PCDHGA5: variants seen among roughly 807,000 people sequenced by gnomAD.
The protein encoded by PCDHGA5 is protocadherin gamma subfamily A, 5, also known as protocadherin gamma-A5.
Under a neutral mutation model 56.7 loss-of-function variants are expected in PCDHGA5, and 36 were observed. The observed-to-expected ratio is 0.64, with a 90% CI of 0.49 to 0.84. The LOEUF (loss-of-function observed/expected upper bound fraction) is 0.84, where lower values mean the gene tolerates loss of function less well. Ranked by LOEUF, PCDHGA5 falls within the 40% of genes least tolerant of loss-of-function variation. The pLI, the probability that PCDHGA5 is intolerant of heterozygous loss-of-function variation, is 0.00. For missense variants in PCDHGA5, 1,305 were observed against 1,201.5 expected, an observed-to-expected ratio of 1.09 and a Z score of -1.27; for synonymous variants, 563 against 520.2, an observed-to-expected ratio of 1.08 and a Z score of -1.12.
At chr5:141,509,106 A>T (rs1159119530) in intron 3 of PCDHGA5, among the ~76,000 whole-genome samples, 1 of 152,102 alleles carries the variant, frequency 6.6e-6, no homozygotes, top group Non-Finnish European at 1.5e-5. Flanking sequence ...TAGAAACCTG[A>T]GCGCTGGTGC....
At chr5:141,456,919 C>G (rs2098898169) in intron 1 of PCDHGA5, among the ~76,000 whole-genome samples, 1 of 152,124 alleles carries the variant, frequency 6.6e-6, no homozygotes, top group African/African-American at 2.4e-5. Flanking sequence ...GCCGAGATCG[C>G]ACCACTGCAC....
At position 141,400,611 on chromosome 5, in the gene PCDHGA5, G is replaced by A. The variant is rs555600694; in HGVS notation, c.2421+33860G>A. The A allele has an allele frequency of 1.3e-5, 20 of 1,573,002 alleles. No homozygotes were observed. In the African/African-American group the frequency reaches 2.4e-4, roughly 19 times the overall value. On this transcript the variant is annotated intron_variant, in intron 1 of 3. Coordinates refer to ENST00000518069, the MANE Select transcript of PCDHGA5 (RefSeq NM_018918.3). The stretch of plus-strand genomic sequence containing the variant: ...ACTATCGTACATTTTCAAGTCCAAT[G>A]AGTTGTCTTAGGGAAGTCAGAGCTG...
chr5:141,427,046 C>G (rs916723344), intron 1 of PCDHGA5: 2 of 457,362 alleles, frequency 4.4e-6, no homozygotes, highest in Admixed American at 4.7e-5. Context: ...AGAATGTGCC[C>G]CCAGGCACCT....
chr5:141,469,553 G>A (rs989713451), intron 1 of PCDHGA5, among the ~76,000 whole-genome samples: 2 of 152,086 alleles, frequency 1.3e-5, no homozygotes, highest in African/African-American at 2.4e-5. Flanking sequence ...CCAGCCTGGC[G>A]ACAGAGTGAG....
chr5:141,489,208 C>A lies in PCDHGA5; in HGVS notation c.2422-5599C>A. On this transcript the variant is annotated intron_variant, in intron 1 of 3. Coordinates refer to ENST00000518069, the MANE Select transcript of PCDHGA5 (RefSeq NM_018918.3). The surrounding 1 kb of genome is among the most constrained non-coding windows in gnomAD (Gnocchi z 4.5). The stretch of plus-strand genomic sequence containing the variant: ...GGTCTACCTTGGAGACAGGACAGCA[C>A]AGACTTACTCTCCACAAAGGGACTT... 1 of 1,451,152 alleles carries A rather than the reference C, an allele frequency of 6.9e-7. No individual in the cohort carries two copies. The highest frequency in any genetic ancestry group is 9.3e-7 in the Non-Finnish European group (1 of 1,072,112). 89.9% of individuals were successfully genotyped at this position (1,451,152 alleles called of 1,614,324 possible).
At position 141,431,412 on chromosome 5, in the gene PCDHGA5, G is replaced by A. The variant is rs1458036274; in HGVS notation, c.2422-63395G>A. ...CTGGTCCTTACGGCCTCCGACGGGG[G>A]CGACCCGGTGCGCACAGGCACCGCG... On this transcript the variant is annotated intron_variant, in intron 1 of 3. Transcript: ENST00000518069. This position sits in a 1 kb window ranked among gnomAD's most constrained non-coding sequence, Gnocchi z 4.8. 1 of 1,613,596 alleles carries A rather than the reference G, an allele frequency of 6.2e-7. No homozygotes were observed. Among genetic ancestry groups the A allele is most frequent in the Non-Finnish European group, 8.5e-7 (1 of 1,180,058 alleles).
rs761590469 is a variant in PCDHGA5, at chr5:141,364,617, G to A, written c.287G>A (p.Cys96Tyr). 3.1e-6 allele frequency: 5 copies of A among 1,614,158 alleles called. No individual in the cohort carries two copies. The Admixed American group carries it at 8.3e-5, about 27-fold the overall frequency. The stretch of plus-strand genomic sequence containing the variant: ...GGCAGGATAGACCGGGAGGAGCTCT[G>A]CGCTCAGAGCCCACTGTGTGTGGTG... ...TAGRIDREELCAQSPLCVVNF... is the reference protein window; with the variant it reads ...TAGRIDREELYAQSPLCVVNF... Residue 96 changes from cysteine to tyrosine, a missense_variant, in exon 1 of 4, where the codon TGC (cysteine) becomes TAC (tyrosine). Physicochemically the swap from Cys to Tyr is radical, Grantham distance 194 (BLOSUM62 -2). Coordinates refer to ENST00000518069, the MANE Select transcript of PCDHGA5 (RefSeq NM_018918.3).
rs369044087 is a variant in PCDHGA5 at position 141,389,106 on chromosome 5, C to G, written c.2421+22355C>G. On this transcript the variant is annotated intron_variant, in intron 1 of 3. Coordinates refer to ENST00000518069, the MANE Select transcript of PCDHGA5 (RefSeq NM_018918.3). ...GTATAAATTAGTGACAGATGCTGTTCTAGACCGCGAGCAGAATCCAGAGTA... is the reference window on the plus strand; with the variant it reads ...GTATAAATTAGTGACAGATGCTGTTGTAGACCGCGAGCAGAATCCAGAGTA... 73 of 1,613,908 alleles carry G rather than the reference C, an allele frequency of 4.5e-5. No individual in the cohort carries two copies. The highest frequency in any genetic ancestry group is 1.7e-5 in the Admixed American group (1 of 60,018).
chr5:141,468,832 C>G (rs530307522), intron 1 of PCDHGA5, among the ~76,000 whole-genome samples: 1 of 152,164 alleles, frequency 6.6e-6, no homozygotes, highest in South Asian at 2.1e-4. Flanking sequence ...AGCCACTGCA[C>G]TCCAGCCTGG....
chr5:141,423,758 G>GGGT, intron 1 of PCDHGA5: 1 of 366,842 alleles, frequency 2.7e-6, no homozygotes, highest in Non-Finnish European at 3.8e-6. Context: ...TTTGGGGGGG[G>GGGT]GGTGGGGCGG....
intron 1 of PCDHGA5, among the ~76,000 whole-genome samples, chr5:141,494,113 C>G (rs2099751999): frequency 6.6e-6 from 1 of 152,214 alleles, no homozygotes; most frequent in Non-Finnish European, 1.5e-5. Flanking sequence ...TCAGACAGAG[C>G]AGCCTTGTTC....
chr5:141,428,632 G>A (rs574049916), intron 1 of PCDHGA5: 35 of 182,522 alleles, frequency 1.9e-4, no homozygotes, highest in African/African-American at 7.6e-4. Context: ...CTCTAACTCT[G>A]TTGCTCCTAC....
chr5:141,447,299 C>A (rs543731556), intron 1 of PCDHGA5, among the ~76,000 whole-genome samples: 38 of 152,102 alleles, frequency 2.5e-4, no homozygotes, highest in Middle Eastern at 6.8e-3. Context: ...GCCACCACAC[C>A]CGGCTAATTT....
chr5:141,396,860 T>C (rs1273570477), intron 1 of PCDHGA5, among the ~76,000 whole-genome samples: 1 of 152,230 alleles, frequency 6.6e-6, no homozygotes, highest in African/African-American at 2.4e-5. Flanking sequence ...ATAGTTTGTG[T>C]ACCATTTGGA....
intron 1 of PCDHGA5, chr5:141,371,611 C>A (rs561217101): frequency 8.1e-6 from 13 of 1,613,878 alleles, no homozygotes; most frequent in Non-Finnish European, 1.1e-5. Flanking sequence ...AGGTTGGTGA[C>A]AGATGGAGCC....
At position 141,463,977 on chromosome 5, in the gene PCDHGA5, T is replaced by C. The variant is rs948698340; in HGVS notation, c.2422-30830T>C. On this transcript the variant is annotated intron_variant, in intron 1 of 3. Coordinates refer to ENST00000518069, the MANE Select transcript of PCDHGA5 (RefSeq NM_018918.3). ...TTTAAAATAGCTTCATAAAACTCCA[T>C]TGTAAAAACCAGGTGCAGTGGCTCA... Among the ~76,000 whole-genome samples the C allele has an allele frequency of 2.6e-5, 4 of 152,258 alleles. 1 individual carries two copies. The highest frequency in any genetic ancestry group is 4.4e-5 in the Non-Finnish European group (3 of 68,004).
chr5:141,511,115 A>G lies in PCDHGA5; in HGVS notation c.2738A>G (p.Lys913Arg). 6.2e-7 allele frequency: 1 copy of G among 1,614,214 alleles called. No individual in the cohort carries two copies. Among genetic ancestry groups the G allele is most frequent in the Non-Finnish European group, 8.5e-7 (1 of 1,180,006 alleles). ...AACGCAGCTGGCAAGCGGGATGGCA[A>G]GGCCCCAGCAGGTGGCAATGGCAAC... Reference protein sequence around the residue: ...LTNAAGKRDGKAPAGGNGNKK... With the variant: ...LTNAAGKRDGRAPAGGNGNKK... Residue 913 changes from lysine (K) to arginine (R), a missense_variant, in exon 4 of 4, where the codon AAG becomes AGG. Coordinates refer to ENST00000518069, the MANE Select transcript of PCDHGA5 (RefSeq NM_018918.3).
Position 141,432,123 on chromosome 5 carries a change from C to G in PCDHGA5, c.2422-62684C>G, listed in dbSNP as rs1224794803. On this transcript the variant is annotated intron_variant, in intron 1 of 3. Transcript: ENST00000518069. This position sits in a 1 kb window ranked among gnomAD's most constrained non-coding sequence, Gnocchi z 6.0. ...GACAACCCGCCGGTCTTCCCTCAGG[C>G]CTCCTATTCCGCTTATATCCCAGAG... 1 of 1,614,172 alleles carries G rather than the reference C, an allele frequency of 6.2e-7. No homozygotes were observed. Among genetic ancestry groups the G allele is most frequent in the Admixed American group, 1.7e-5 (1 of 60,022 alleles).
intron 3 of PCDHGA5, among the ~76,000 whole-genome samples, chr5:141,507,790 A>C (rs922507228): frequency 5.9e-5 from 9 of 152,188 alleles, no homozygotes; most frequent in Admixed American, 2.6e-4. Context: ...ACCCTCGTCT[A>C]AGCCTGCGCC....
Sources: gnomAD v4.1 joint callset for allele counts (sites outside exome capture counted in the v4.1 genomes callset) on GRCh38, gnomAD v4.1.1 for gene constraint, Gnocchi (gnomAD v3.1) non-coding constraint, MANE v1.5 for transcripts, NCBI Gene and HGNC (gene_info 2026-07-23, HGNC 2026-07-21) for gene names.